CCDC93: variants seen among roughly 807,000 people sequenced by gnomAD.
CCDC93 encodes coiled-coil domain-containing protein 93.
CCDC93 carries 61 observed loss-of-function variants against 108.2 expected under a neutral mutation model. The ratio of observed to expected loss-of-function variants is 0.56; its 90% CI spans 0.46 to 0.70. The LOEUF (loss-of-function observed/expected upper bound fraction) is 0.70. Among genes scored for constraint, CCDC93 ranks in the 30% least tolerant of loss-of-function variants. The pLI is 0.00. For synonymous variants in CCDC93, 276 were observed against 260.4 expected, an observed-to-expected ratio of 1.06 and a Z score of -0.58; for missense variants, 685 against 764.2, an observed-to-expected ratio of 0.90 and a Z score of 1.22.
chr2:117,981,156 C>T (rs1048596449), intron 7 of CCDC93, among the ~76,000 whole-genome samples: 1 of 152,102 alleles, frequency 6.6e-6, no homozygotes, highest in African/African-American at 2.4e-5. Flanking sequence ...CATAATTGTG[C>T]AATATATTAT....
intron 3 of CCDC93, among the ~76,000 whole-genome samples, chr2:118,005,730 T>C (rs947215862): frequency 1.2e-4 from 16 of 130,908 alleles, no homozygotes; most frequent in African/African-American, 4.8e-4. Flanking sequence ...CCAGCATGGG[T>C]GATAAGAGTG....
chr2:117,941,324 G>A (rs199546020), intron 18 of CCDC93, 27 bp from the exon 19 acceptor site: 2 of 1,578,848 alleles, frequency 1.3e-6, no homozygotes, highest in African/African-American at 2.7e-5. Flanking sequence ...GACAGAGACA[G>A]TACTATTTGG....
At chr2:118,001,955 G>A (rs917306941) in intron 3 of CCDC93, among the ~76,000 whole-genome samples, 3 of 152,146 alleles carry the variant, frequency 2.0e-5, no homozygotes, top group Non-Finnish European at 2.9e-5. Flanking sequence ...GCCATGGTAT[G>A]TAGCCTGGGA....
At chr2:117,923,317 C>T (rs1184774520) in intron 23 of CCDC93, among the ~76,000 whole-genome samples, 1 of 152,160 alleles carries the variant, frequency 6.6e-6, no homozygotes, top group Non-Finnish European at 1.5e-5. Context: ...CAGGGTGAGG[C>T]ATCGCCTCAC....
Position 117,995,522 on chromosome 2 carries a change from G to C in CCDC93, c.463-20C>G. Reference sequence around the variant, plus strand: ...ATCATCCTACAAGACAAAACAGAGCGATTAAACAAATCCCAAGGGAAAATT... The same window carrying C: ...ATCATCCTACAAGACAAAACAGAGCCATTAAACAAATCCCAAGGGAAAATT... On this transcript the variant is annotated intron_variant, in intron 5 of 23. Transcript: ENST00000376300. 1 of 1,595,244 alleles carries C rather than the reference G, an allele frequency of 6.3e-7. No homozygotes were observed. Among genetic ancestry groups the C allele is most frequent in the Non-Finnish European group, 8.6e-7 (1 of 1,163,354 alleles).
At position 117,915,889 on chromosome 2, in the gene CCDC93, C is replaced by T. The variant is rs994390065; in HGVS notation, c.*4454G>A. ...GGGGCCCATTCTATGGTAGTACACACACACAGGATCCATTGTTTTAAATTT... is the reference window on the plus strand; with the variant it reads ...GGGGCCCATTCTATGGTAGTACACATACACAGGATCCATTGTTTTAAATTT... On this transcript the variant is annotated 3_prime_UTR_variant, in exon 24 of 24. Coordinates refer to ENST00000376300, the MANE Select transcript of CCDC93 (RefSeq NM_019044.5). 1 of 152,238 alleles carries T rather than the reference C, an allele frequency of 6.6e-6. No individual in the cohort carries two copies. Among genetic ancestry groups the T allele is most frequent in the African/African-American group, 2.4e-5 (1 of 41,462 alleles). 9.4% of individuals were successfully genotyped at this position (152,238 alleles called of 1,614,324 possible). A position where few individuals can be genotyped will look rare whatever the true frequency, so the allele number is the denominator to read the frequency against.
At chr2:117,965,326 TC>T (rs2104767119) in intron 11 of CCDC93, among the ~76,000 whole-genome samples, 1 of 152,252 alleles carries the variant, frequency 6.6e-6, no homozygotes, top group East Asian at 1.9e-4. Context: ...TTGGAAACAC[TC>T]ACATCTAAGC....
chr2:118,010,650 T>G (rs1676999164), intron 1 of CCDC93, among the ~76,000 whole-genome samples: 1 of 152,206 alleles, frequency 6.6e-6, no homozygotes. Flanking sequence ...ATGTTATCCC[T>G]CTTTAGCTCA....
intron 11 of CCDC93, 22 bp downstream of exon 11, chr2:117,973,886 C>A (rs571155377): frequency 9.9e-5 from 156 of 1,573,336 alleles, no homozygotes; most frequent in Non-Finnish European, 1.3e-4. Context: ...GGGGCACAGA[C>A]TCCAGCTGGG....
intron 12 of CCDC93, among the ~76,000 whole-genome samples, chr2:117,953,319 A>C (rs1395414815): frequency 6.6e-6 from 1 of 152,166 alleles, no homozygotes; most frequent in Non-Finnish European, 1.5e-5. Flanking sequence ...ATGACTGATA[A>C]ATAGTTATAA....
At position 117,926,635 on chromosome 2, in the gene CCDC93, C is replaced by A. The variant is rs561290849; in HGVS notation, c.1842+4402G>T. On this transcript the variant is annotated intron_variant, in intron 23 of 23. Transcript: ENST00000376300. ...AATTGAGGCAATAATTAATAGCTTACCAACCAAAAAAAGTCCAGGACCAGA... is the reference window on the plus strand; with the variant it reads ...AATTGAGGCAATAATTAATAGCTTAACAACCAAAAAAAGTCCAGGACCAGA... 2.7e-4 allele frequency among the ~76,000 whole-genome samples: 41 copies of A among 152,238 alleles called. No individual in the cohort carries two copies. The East Asian group carries it at 3.1e-3, about 11-fold the overall frequency.
At position 117,974,835 on chromosome 2, in the gene CCDC93, C is replaced by G. The variant is rs1311972230; in HGVS notation, c.801+15G>C. ...GCCAAGTCCCCATCCCCACACCTCCCCGACTCCCACTCACCTCCTCATTTG... is the reference window on the plus strand; with the variant it reads ...GCCAAGTCCCCATCCCCACACCTCCGCGACTCCCACTCACCTCCTCATTTG... On this transcript the variant is annotated intron_variant, in intron 10 of 23. Transcript: ENST00000376300. The G allele has an allele frequency of 6.4e-7, 1 of 1,565,504 alleles. No individual in the cohort carries two copies. The highest frequency in any genetic ancestry group is 2.4e-5 in the East Asian group (1 of 42,302).
At chr2:117,958,267 G>C in intron 12 of CCDC93, 98 bp downstream of exon 12, 1 of 743,788 alleles carries the variant, frequency 1.3e-6, no homozygotes, top group Non-Finnish European at 2.4e-6. Flanking sequence ...CAACTGGACT[G>C]GCCCAAGCAC....
In CCDC93 at chr2:117,931,074, T is replaced by C. The variant is rs1408838920; in HGVS notation, c.1805A>G (p.Gln602Arg). 5 of 1,613,768 alleles carry C rather than the reference T, an allele frequency of 3.1e-6. No homozygotes were observed. Among genetic ancestry groups the C allele is most frequent in the Non-Finnish European group, 4.2e-6 (5 of 1,179,754 alleles). ...TTTCACAGTCTTAAAGTATAGCCTC[T>C]GCTTTTCTAACAGCTCCAAGTACTG... ...NDQYLELLEK[Q>R]RLYFKTVKEF... Residue 602 changes from glutamine (Q) to arginine (R), a missense_variant, in exon 23 of 24, where the codon CAG becomes CGG. Coordinates refer to ENST00000376300, the MANE Select transcript of CCDC93 (RefSeq NM_019044.5).
intron 4 of CCDC93, chr2:117,996,628 T>C (rs973210916): frequency 8.3e-5 from 25 of 300,980 alleles, no homozygotes; most frequent in Non-Finnish European, 1.4e-4. Context: ...TTTTCCTTTC[T>C]GTAAAAGTAT....
intron 3 of CCDC93, among the ~76,000 whole-genome samples, chr2:118,006,125 G>A (rs1258243212): frequency 1.3e-5 from 2 of 152,096 alleles, no homozygotes; most frequent in East Asian, 1.9e-4. Flanking sequence ...TCTCTTGGGA[G>A]AAGGTAATAC....
intron 23 of CCDC93, among the ~76,000 whole-genome samples, chr2:117,925,906 A>G (rs1678072163): frequency 6.6e-6 from 1 of 152,246 alleles, no homozygotes; most frequent in Non-Finnish European, 1.5e-5. Flanking sequence ...AACAGAAATT[A>G]TAACAAACTG....
At position 117,946,898 on chromosome 2, in the gene CCDC93, G is replaced by C. The variant is rs766866942; in HGVS notation, c.1225-16C>G. ...TCATCTCCTCCTTTAAAAGTGACATGAACTTTTACAAAATTCAGACAAGGA... is the reference window on the plus strand; with the variant it reads ...TCATCTCCTCCTTTAAAAGTGACATCAACTTTTACAAAATTCAGACAAGGA... On this transcript the variant is annotated splice_polypyrimidine_tract_variant and intron_variant, in intron 15 of 23. Transcript: ENST00000376300. 2.5e-6 allele frequency: 4 copies of C among 1,589,850 alleles called. No individual in the cohort carries two copies. Among genetic ancestry groups the C allele is most frequent in the East Asian group, 2.2e-5 (1 of 44,784 alleles).
At position 118,005,692 on chromosome 2, in the gene CCDC93, C is replaced by T. The variant is rs1237888757; in HGVS notation, c.251+1030G>A. Among the ~76,000 whole-genome samples, 18 of 146,960 alleles carry T rather than the reference C, an allele frequency of 1.2e-4. 1 individual carries two copies. The Admixed American group carries it at 1.2e-3, about 10-fold the overall frequency. On this transcript the variant is annotated intron_variant, in intron 3 of 23. Transcript: ENST00000376300. ...GGATCACTTAAGGAAGTCGAGGCTG[C>T]AGTGAGTGGTGTTGGCACCACTGCA...
Sources: allele counts gnomAD v4.1 joint callset (sites outside exome capture counted in the v4.1 genomes callset), GRCh38; gene constraint gnomAD v4.1.1; transcripts MANE v1.5; gene names NCBI Gene and HGNC (gene_info 2026-07-23, HGNC 2026-07-21).